Variants in LOXHD1 observed in about 807,000 individuals in gnomAD.
LOXHD1 encodes the protein lipoxygenase homology domain-containing protein 1.
Under a neutral mutation model 248.2 loss-of-function variants are expected in LOXHD1, and 205 were observed. The observed-to-expected ratio is 0.83, with a 90% CI of 0.74 to 0.93. The LOEUF is 0.93. Among genes scored for constraint, LOXHD1 ranks in the 40% least tolerant of loss-of-function variants. The probability of loss-of-function intolerance (pLI) is 0.00; values close to 1 mark genes in which losing one functional copy is unlikely to be tolerated. For missense variants in LOXHD1, 2,930 were observed against 2,971.6 expected (o/e 0.99, Z 0.33); for synonymous variants, 1,113 against 1,162.8 (o/e 0.96, Z 0.87).
intron 21 of LOXHD1, among the ~76,000 whole-genome samples, chr18:46,547,684 CT>C (rs1358713500): frequency 1.3e-5 from 2 of 152,110 alleles, no homozygotes; most frequent in Non-Finnish European, 2.9e-5. Context: ...ATTAAGGACT[CT>C]CCCCTGGGTC....
Position 46,538,533 on chromosome 18 carries a change from G to A in LOXHD1, c.3914-196C>T, listed in dbSNP as rs188379912. Among the ~76,000 whole-genome samples the A allele has an allele frequency of 4.9e-3, 739 of 151,998 alleles. 24 individuals carry two copies. Among genetic ancestry groups the A allele is most frequent in the Admixed American group, 0.045 (686 of 15,276 alleles). ...TGCAGGTGGGGTCCTGTCCTGCCCC[G>A]CCCCCATGGAAAACCCTCACCCCCT... On this transcript the variant is annotated intron_variant, in intron 25 of 40. Coordinates refer to ENST00000642948, the MANE Select transcript of LOXHD1 (RefSeq NM_001384474.1).
chr18:46,558,870 C>T (rs990350999), intron 20 of LOXHD1, among the ~76,000 whole-genome samples: 8 of 152,230 alleles, frequency 5.3e-5, no homozygotes, highest in Middle Eastern at 3.4e-3. Flanking sequence ...TCTCTTAAGC[C>T]TCTCATGACC....
intron 19 of LOXHD1, 113 bp from the exon 20 acceptor site, chr18:46,559,715 C>T (rs2037470798): frequency 8.4e-7 from 1 of 1,186,750 alleles, no homozygotes; most frequent in Non-Finnish European, 1.2e-6. Flanking sequence ...TCTTCAGATG[C>T]ATCTACACTA....
At chr18:46,570,595 C>T (rs4890674) in intron 15 of LOXHD1, among the ~76,000 whole-genome samples, 101,335 of 152,072 alleles carry the variant, frequency 0.67, 34,145 homozygotes, top group Non-Finnish European at 0.73. Flanking sequence ...AAAGATGTAG[C>T]AGCAGAGACT....
At chr18:46,614,895 G>T (rs1219728459) in intron 5 of LOXHD1, among the ~76,000 whole-genome samples, 1 of 152,040 alleles carries the variant, frequency 6.6e-6, no homozygotes, top group East Asian at 1.9e-4. Flanking sequence ...ATAAGATGGA[G>T]ATTCATAATT....
intron 4 of LOXHD1, among the ~76,000 whole-genome samples, chr18:46,618,569 A>G (rs1292457241): frequency 5.3e-5 from 8 of 152,230 alleles, no homozygotes; most frequent in Non-Finnish European, 1.0e-4. Context: ...GTATGTGATG[A>G]ATAAATCAGA....
chr18:46,596,273 T>C (rs2038255808), intron 8 of LOXHD1, among the ~76,000 whole-genome samples: 1 of 152,188 alleles, frequency 6.6e-6, no homozygotes, highest in Non-Finnish European at 1.5e-5. Context: ...TAGCCATATG[T>C]TACATAAACC....
At chr18:46,539,749 C>T (rs993858502) in intron 25 of LOXHD1, among the ~76,000 whole-genome samples, 6 of 151,226 alleles carry the variant, frequency 4.0e-5, no homozygotes, top group Admixed American at 1.3e-4. Flanking sequence ...TTTGCATATG[C>T]GTATAAATGT....
rs141514234 is a variant in LOXHD1 at position 46,559,520 on chromosome 18, G to A, written c.3144C>T (p.Gly1048=). ...TDANVYLTIY[G]EEYGDTGERP... ...GTTCGCCCGTGTCTCCATACTCCTC[G>A]CCGTAGATGGTTAGGTAGACGTTAG... Residue 1048 remains glycine, a synonymous_variant, in exon 20 of 41, where the codon GGC becomes GGT. Coordinates refer to ENST00000642948, the MANE Select transcript of LOXHD1 (RefSeq NM_001384474.1). 1.2e-5 allele frequency: 19 copies of A among 1,552,010 alleles called. No homozygotes were observed. Among genetic ancestry groups the A allele is most frequent in the East Asian group, 1.2e-4 (5 of 40,906 alleles).
chr18:46,566,500 C>A, intron 16 of LOXHD1, 51 bp from the exon 17 acceptor site: 1 of 1,472,314 alleles, frequency 6.8e-7, no homozygotes, highest in South Asian at 1.2e-5. Context: ...GTAGAAACCT[C>A]CATGATCCCA....
intron 37 of LOXHD1, among the ~76,000 whole-genome samples, chr18:46,491,660 A>G (rs755787963): frequency 2.0e-5 from 3 of 152,184 alleles, no homozygotes; most frequent in Non-Finnish European, 4.4e-5. Context: ...CTGTTGCTGG[A>G]ATGCACCATT....
intron 37 of LOXHD1, among the ~76,000 whole-genome samples, chr18:46,495,759 C>T (rs1177718455): frequency 6.6e-6 from 1 of 152,028 alleles, no homozygotes; most frequent in Admixed American, 6.6e-5. Flanking sequence ...GGAAATTGAA[C>T]AATACAAATA....
intron 15 of LOXHD1, among the ~76,000 whole-genome samples, chr18:46,571,569 G>T (rs569805871): frequency 2.0e-5 from 3 of 152,200 alleles, no homozygotes; most frequent in African/African-American, 7.2e-5. Context: ...ACCATCTTCT[G>T]GGATTATTGC....
At chr18:46,573,155 C>G (rs1252458388) in intron 14 of LOXHD1, among the ~76,000 whole-genome samples, 1 of 151,896 alleles carries the variant, frequency 6.6e-6, no homozygotes, top group Non-Finnish European at 1.5e-5. Flanking sequence ...TGATCTGAGT[C>G]CTCAGAGATA....
chr18:46,626,162 C>T (rs1271847385), intron 4 of LOXHD1, among the ~76,000 whole-genome samples: 2 of 152,082 alleles, frequency 1.3e-5, no homozygotes, highest in Admixed American at 1.3e-4. Flanking sequence ...TTAATACTGA[C>T]AAAAAATAGG....
chr18:46,497,416 A>G (rs1383756406), intron 37 of LOXHD1, among the ~76,000 whole-genome samples: 2 of 152,180 alleles, frequency 1.3e-5, no homozygotes, highest in Admixed American at 6.5e-5. Flanking sequence ...TGCATAGTAG[A>G]AAAATGCATC....
chr18:46,543,630 A>G (rs930352887), intron 23 of LOXHD1, among the ~76,000 whole-genome samples: 9 of 151,884 alleles, frequency 5.9e-5, no homozygotes, highest in African/African-American at 2.2e-4. Context: ...ATGTGTTCTC[A>G]CTGTTCAACT....
At chr18:46,525,637 G>A (rs551275065) in intron 29 of LOXHD1, among the ~76,000 whole-genome samples, 9 of 152,112 alleles carry the variant, frequency 5.9e-5, no homozygotes, top group African/African-American at 2.2e-4. Context: ...AGTGAGGTGT[G>A]GATCCTAGGC....
At chr18:46,593,038 G>T (rs2038200971) in intron 10 of LOXHD1, among the ~76,000 whole-genome samples, 1 of 152,110 alleles carries the variant, frequency 6.6e-6, no homozygotes. Flanking sequence ...TATATAAAGA[G>T]CAATGAACTG....
Sources: gnomAD v4.1 joint callset for allele counts (sites outside exome capture counted in the v4.1 genomes callset) on GRCh38, gnomAD v4.1.1 for gene constraint, MANE v1.5 for transcripts, NCBI Gene and HGNC (gene_info 2026-07-23, HGNC 2026-07-21) for gene names.